The following GSG1L variants were observed in gnomAD, a reference collection of about 807,000 sequenced individuals.
GSG1L encodes the protein germ cell-specific gene 1-like protein.
GSG1L carries 24 observed loss-of-function variants against 42.1 expected under a neutral mutation model. That is an observed-to-expected ratio of 0.57 (90% CI 0.41 to 0.80). The LOEUF is 0.80. Among genes scored for constraint, GSG1L ranks in the 30% least tolerant of loss-of-function variants. The pLI is 0.00. For missense variants in GSG1L, 445 were observed against 472.2 expected (o/e 0.94, Z 0.53); for synonymous variants, 215 against 203.5 (o/e 1.06, Z -0.48).
chr16:27,991,397 A>G (rs1203163411), intron 1 of GSG1L, among the ~76,000 whole-genome samples: 2 of 148,320 alleles, frequency 1.3e-5, no homozygotes, highest in African/African-American at 4.9e-5. Context: ...TGTGCATTAT[A>G]TTTCTTTTTT....
In GSG1L at chr16:27,900,251, C is replaced by G. The variant is rs113742055; in HGVS notation, c.398-15613G>C. Among the ~76,000 whole-genome samples, 1,287 of 152,330 alleles carry G rather than the reference C, an allele frequency of 8.4e-3. 7 individuals carry two copies. The highest frequency in any genetic ancestry group is 0.015 in the Non-Finnish European group (1,014 of 68,032). ...CACGCTCTACAGCACCCACGGAGGG[C>G]CAAGCACCGAGCTGGCACCCTTTTG... On this transcript the variant is annotated intron_variant, in intron 2 of 6. Coordinates refer to ENST00000447459, the MANE Select transcript of GSG1L (RefSeq NM_001109763.2).
At chr16:27,850,824 A>G (rs1327700541) in intron 3 of GSG1L, among the ~76,000 whole-genome samples, 1 of 146,208 alleles carries the variant, frequency 6.8e-6, no homozygotes, top group Non-Finnish European at 1.5e-5. Context: ...TTTTTTTTGT[A>G]CAGACAGCGT....
intron 1 of GSG1L, among the ~76,000 whole-genome samples, chr16:28,018,675 A>G (rs1244893764): frequency 1.3e-5 from 2 of 151,918 alleles, no homozygotes; most frequent in Non-Finnish European, 2.9e-5. Context: ...GGAAACCACA[A>G]TGCCACCTTC....
At position 27,788,675 on chromosome 16, in the gene GSG1L, G is replaced by A. The variant is rs757604608; in HGVS notation, c.*2695C>T. The A allele has an allele frequency of 1.3e-5, 2 of 152,214 alleles. No homozygotes were observed. Among genetic ancestry groups the A allele is most frequent in the Non-Finnish European group, 2.9e-5 (2 of 68,060 alleles). 9.4% of individuals were successfully genotyped at this position (152,214 alleles called of 1,614,324 possible). On this transcript the variant is annotated 3_prime_UTR_variant, in exon 7 of 7. Coordinates refer to ENST00000447459, the MANE Select transcript of GSG1L (RefSeq NM_001109763.2). Reference sequence around the variant, plus strand: ...TCATTTTCTCAAAGGAGCCTCCCTAGACTACAGCTCCCACAGCCCCGATTT... The same window carrying A: ...TCATTTTCTCAAAGGAGCCTCCCTAAACTACAGCTCCCACAGCCCCGATTT...
intron 4 of GSG1L, among the ~76,000 whole-genome samples, chr16:27,844,531 G>T (rs1034057051): frequency 4.1e-4 from 63 of 152,156 alleles, no homozygotes; most frequent in East Asian, 1.9e-4. Flanking sequence ...TGTCACCACC[G>T]CCCAGTGCTG....
chr16:27,949,006 C>T (rs924279927), intron 2 of GSG1L, among the ~76,000 whole-genome samples: 29 of 151,512 alleles, frequency 1.9e-4, no homozygotes, highest in Admixed American at 1.1e-3. Context: ...CAGCCTCTAC[C>T]TCCCAGGCTC....
At chr16:27,824,374 C>G (rs1212644569) in intron 5 of GSG1L, among the ~76,000 whole-genome samples, 1 of 152,128 alleles carries the variant, frequency 6.6e-6, no homozygotes. Context: ...CCCTCTGTCC[C>G]CCGTGGAGGA....
At chr16:28,038,411 C>G (rs992486535) in intron 1 of GSG1L, among the ~76,000 whole-genome samples, 1 of 152,348 alleles carries the variant, frequency 6.6e-6, no homozygotes, top group Middle Eastern at 3.4e-3. Context: ...GAGGCAGGAT[C>G]TGAACCCACA....
At chr16:27,871,896 A>C (rs2141012418) in intron 3 of GSG1L, among the ~76,000 whole-genome samples, 1 of 152,344 alleles carries the variant, frequency 6.6e-6, no homozygotes, top group East Asian at 1.9e-4. Flanking sequence ...TGGAAAATGA[A>C]GAGCGACTGC....
rs568864667 is a variant in GSG1L at position 27,911,266 on chromosome 16, G to GCTCGCTCTCTCTCTCTCTCTCTCGCTCT, written c.398-26629_398-26628insAGAGCGAGAGAGAGAGAGAGAGAGCGAG. On this transcript the variant is annotated intron_variant, in intron 2 of 6. Coordinates refer to ENST00000447459, the MANE Select transcript of GSG1L (RefSeq NM_001109763.2). Reference sequence around the variant, plus strand: ...TCTCTAGCCTCATCACCTCTCTCTCGCTCTCTCTCTCTCTCTCTCTCTCTC... The same window carrying GCTCGCTCTCTCTCTCTCTCTCTCGCTCT: ...TCTCTAGCCTCATCACCTCTCTCTCGCTCGCTCTCTCTCTCTCTCTCTCGCTCTCTCTCTCTCTCTCTCTCTCTCTCTC... Among the ~76,000 whole-genome samples the GCTCGCTCTCTCTCTCTCTCTCTCGCTCT allele has an allele frequency of 6.0e-3, 737 of 122,002 alleles. 7 individuals are homozygous for GCTCGCTCTCTCTCTCTCTCTCTCGCTCT. Among genetic ancestry groups the GCTCGCTCTCTCTCTCTCTCTCTCGCTCT allele is most frequent in the Non-Finnish European group, 5.1e-3 (298 of 58,820 alleles). 80.0% of individuals were successfully genotyped at this position (122,002 alleles called of 152,430 possible).
chr16:27,902,285 A>C (rs1314737641), intron 2 of GSG1L, among the ~76,000 whole-genome samples: 1 of 152,122 alleles, frequency 6.6e-6, no homozygotes, highest in Non-Finnish European at 1.5e-5. Context: ...CCGAGGGAAA[A>C]AACTGCTTCC....
At chr16:28,008,264 GAGAC>G (rs1413429108) in intron 1 of GSG1L, among the ~76,000 whole-genome samples, 2 of 152,108 alleles carry the variant, frequency 1.3e-5, no homozygotes, top group Non-Finnish European at 2.9e-5. Flanking sequence ...ATTTTTGGTA[GAGAC>G]AGGGTTTCAC....
At chr16:28,014,223 A>C (rs1162285987) in intron 1 of GSG1L, among the ~76,000 whole-genome samples, 3 of 152,210 alleles carry the variant, frequency 2.0e-5, no homozygotes, top group Admixed American at 6.5e-5. Context: ...TGACATTTGC[A>C]CTAAGCTGAA....
chr16:27,978,613 C>G (rs1199543299), intron 1 of GSG1L, among the ~76,000 whole-genome samples: 3 of 149,920 alleles, frequency 2.0e-5, no homozygotes, highest in African/African-American at 7.3e-5. Context: ...ATTGCTTGAA[C>G]CTGGGAGGCG....
intron 4 of GSG1L, among the ~76,000 whole-genome samples, chr16:27,832,158 T>C (rs1017519975): frequency 2.0e-5 from 3 of 152,222 alleles, no homozygotes; most frequent in African/African-American, 7.2e-5. Context: ...TGTTTTTCAA[T>C]TAAATTTTTC....
rs948840199 is a variant in GSG1L at position 27,791,443 on chromosome 16, G to A, written c.923C>T (p.Ser308Phe). Residue 308 changes from serine to phenylalanine, a missense_variant, in exon 7 of 7, where the codon TCC becomes TTC. Physicochemically the swap from Ser to Phe is radical, Grantham distance 155. Transcript: ENST00000447459. ...TTCCTGTGCGGAGCTCCGGGGCCAG[G>A]AATCCGCCATGTGTGGCTGGTGTCC... ...PARHQPHMAD[S>F]WPRSSAQEAP... 2 of 1,513,728 alleles carry A rather than the reference G, an allele frequency of 1.3e-6. No homozygotes were observed. The highest frequency in any genetic ancestry group is 1.8e-6 in the Non-Finnish European group (2 of 1,124,580). 93.8% of individuals were successfully genotyped at this position (1,513,728 alleles called of 1,614,324 possible).
chr16:27,968,162 G>T (rs2085155797), intron 1 of GSG1L, among the ~76,000 whole-genome samples: 2 of 152,016 alleles, frequency 1.3e-5, no homozygotes, highest in African/African-American at 4.8e-5. Context: ...GCAAAAAGAT[G>T]AATATATTAA....
intron 3 of GSG1L, among the ~76,000 whole-genome samples, chr16:27,848,154 T>G (rs78823749): frequency 0.014 from 2,173 of 152,266 alleles, 53 homozygotes; most frequent in African/African-American, 0.05. Context: ...CACAGAAGTT[T>G]CTTGAATGAA....
At chr16:27,958,450 T>A (rs963533519) in intron 2 of GSG1L, among the ~76,000 whole-genome samples, 13 of 150,128 alleles carry the variant, frequency 8.7e-5, no homozygotes, top group African/African-American at 3.2e-4. Flanking sequence ...ATATCAGTCA[T>A]CATGCGATAG....
Sources: gnomAD v4.1 joint callset for allele counts (sites outside exome capture counted in the v4.1 genomes callset) on GRCh38, gnomAD v4.1.1 for gene constraint, MANE v1.5 for transcripts, NCBI Gene and HGNC (gene_info 2026-07-23, HGNC 2026-07-21) for gene names.